WDR27: variants seen among roughly 807,000 people sequenced by gnomAD.
WDR27 encodes WD repeat domain 27.
WDR27 carries 100 observed loss-of-function variants against 114.4 expected under a neutral mutation model. The ratio of observed to expected loss-of-function variants is 0.87; its 90% CI spans 0.74 to 1.03. The LOEUF is 1.03. WDR27 is among the 50% of genes least tolerant of loss of function. The probability of loss-of-function intolerance (pLI) is 0.00; values close to 1 mark genes in which losing one functional copy is unlikely to be tolerated. For missense variants in WDR27, 1,129 were observed against 1,092.9 expected (o/e 1.03, Z -0.47); for synonymous variants, 449 against 423.1 (o/e 1.06, Z -0.75).
At chr6:169,563,648 C>T (rs1267471212) in intron 25 of WDR27, among the ~76,000 whole-genome samples, 1 of 151,934 alleles carries the variant, frequency 6.6e-6, no homozygotes, top group Non-Finnish European at 1.5e-5. Context: ...GTCTCTTCTG[C>T]TTCAACATCA....
At chr6:169,550,740 G>A (rs999290779) in intron 25 of WDR27, among the ~76,000 whole-genome samples, 1 of 151,664 alleles carries the variant, frequency 6.6e-6, no homozygotes, top group Non-Finnish European at 1.5e-5. Flanking sequence ...TTTTGAGACA[G>A]GGTCTTTCTC....
the WDR27 span, among the ~76,000 whole-genome samples, chr6:169,434,733 G>A: frequency 3.9e-5 from 6 of 152,146 alleles, no homozygotes; most frequent in Admixed American, 3.3e-4. Context: ...TGCTGTTAAA[G>A]GCATTCAGCT....
At chr6:169,646,877 C>T (rs959756343) in intron 16 of WDR27, among the ~76,000 whole-genome samples, 6 of 152,130 alleles carry the variant, frequency 3.9e-5, no homozygotes, top group African/African-American at 9.7e-5. Context: ...TAATACTACA[C>T]ATCTAATTTC....
chr6:169,631,929 G>A (rs1479024328), intron 21 of WDR27, among the ~76,000 whole-genome samples: 1 of 152,124 alleles, frequency 6.6e-6, no homozygotes, highest in Non-Finnish European at 1.5e-5. Flanking sequence ...GCTCACACCT[G>A]TAATCTCTGC....
chr6:169,516,788 A>AACACAC (rs3032851), intron 25 of WDR27, among the ~76,000 whole-genome samples: 9,032 of 119,178 alleles, frequency 0.076, 418 homozygotes, highest in Non-Finnish European at 0.083. Context: ...GGCATGCTCC[A>AACACAC]ACACACACAC....
At chr6:169,430,570 A>T in the WDR27 span, among the ~76,000 whole-genome samples, 1 of 152,216 alleles carries the variant, frequency 6.6e-6, no homozygotes, top group African/African-American at 2.4e-5. Context: ...GGGAAGTTCA[A>T]ATGGAAAGCT....
At chr6:169,557,058 G>T (rs1035870420) in intron 25 of WDR27, among the ~76,000 whole-genome samples, 1 of 152,120 alleles carries the variant, frequency 6.6e-6, no homozygotes, top group African/African-American at 2.4e-5. Context: ...TCTCGCAAGA[G>T]AAACGAGAAC....
At chr6:169,693,263 G>A (rs1784968913) in intron 1 of WDR27, among the ~76,000 whole-genome samples, 1 of 152,166 alleles carries the variant, frequency 6.6e-6, no homozygotes, top group Admixed American at 6.5e-5. Context: ...ATGAAGGAAA[G>A]ATAAAGTCTT....
chr6:169,591,652 T>C (rs1214484475), intron 23 of WDR27, among the ~76,000 whole-genome samples: 2 of 152,162 alleles, frequency 1.3e-5, no homozygotes, highest in Admixed American at 1.3e-4. Context: ...GGTTTAGATA[T>C]ACAATGTTGA....
intron 23 of WDR27, among the ~76,000 whole-genome samples, chr6:169,591,547 G>A (rs1805742403): frequency 6.6e-6 from 1 of 152,202 alleles, no homozygotes; most frequent in Non-Finnish European, 1.5e-5. Context: ...CTAAGGGACA[G>A]GTGCCCTAGT....
At chr6:169,427,582 T>C in the WDR27 span, among the ~76,000 whole-genome samples, 1 of 152,136 alleles carries the variant, frequency 6.6e-6, no homozygotes, top group African/African-American at 2.4e-5. Context: ...GGGTCTCTGG[T>C]GTCTTTCCCA....
chr6:169,545,895 A>T (rs904971716), intron 25 of WDR27, among the ~76,000 whole-genome samples: 2 of 152,176 alleles, frequency 1.3e-5, no homozygotes, highest in Non-Finnish European at 2.9e-5. Flanking sequence ...TCAAAACTCA[A>T]CAGGAAAACA....
chr6:169,474,076 T>C (rs954732283), intron 25 of WDR27, among the ~76,000 whole-genome samples: 2 of 152,218 alleles, frequency 1.3e-5, no homozygotes, highest in Non-Finnish European at 2.9e-5. Context: ...CTAAAATAAA[T>C]TAGGATGTCC....
At position 169,684,638 on chromosome 6, in the gene WDR27, C is replaced by T. The variant is rs1476812142; in HGVS notation, c.189+4179G>A. Among the ~76,000 whole-genome samples the T allele has an allele frequency of 6.6e-6, 1 of 152,198 alleles. No homozygotes were observed. Among genetic ancestry groups the T allele is most frequent in the Non-Finnish European group, 1.5e-5 (1 of 68,038 alleles). ...GCAGCCATAAGCTGTGTGACTATGTCCTGGGACTGAGAAGCAGTCCTGTGG... is the reference window on the plus strand; with the variant it reads ...GCAGCCATAAGCTGTGTGACTATGTTCTGGGACTGAGAAGCAGTCCTGTGG... On this transcript the variant is annotated intron_variant, in intron 2 of 25. Coordinates refer to ENST00000448612, the MANE Select transcript of WDR27 (RefSeq NM_182552.5). This position sits in a 1 kb window ranked among gnomAD's most constrained non-coding sequence, Gnocchi z 4.3.
intron 25 of WDR27, among the ~76,000 whole-genome samples, chr6:169,468,153 C>T (rs1393103961): frequency 1.3e-5 from 2 of 152,224 alleles, no homozygotes; most frequent in South Asian, 2.1e-4. Flanking sequence ...CCATCTGAGA[C>T]CACATCACCC....
chr6:169,580,945 A>G (rs1041265024), intron 24 of WDR27, among the ~76,000 whole-genome samples: 5 of 72,722 alleles, frequency 6.9e-5, no homozygotes, highest in Admixed American at 2.0e-4. Flanking sequence ...ATATATATAT[A>G]TATATATACA....
At chr6:169,603,571 G>A (rs1468293202) in intron 22 of WDR27, among the ~76,000 whole-genome samples, 3 of 152,174 alleles carry the variant, frequency 2.0e-5, no homozygotes, top group African/African-American at 4.8e-5. Flanking sequence ...ATATTATGCA[G>A]CTTTATATCC....
At chr6:169,525,264 TG>T (rs1794813721) in intron 25 of WDR27, among the ~76,000 whole-genome samples, 1 of 151,854 alleles carries the variant, frequency 6.6e-6, no homozygotes, top group African/African-American at 2.4e-5. Context: ...CGGCCAGGCG[TG>T]GTGGTTTACG....
In WDR27 at chr6:169,670,608, G is replaced by A. The variant is rs146695110; in HGVS notation, c.417C>T (p.Ala139=). The change falls in exon 4 of 26, where the codon GCC becomes GCT. Residue 139 remains alanine, a synonymous_variant. Coordinates refer to ENST00000448612, the MANE Select transcript of WDR27 (RefSeq NM_182552.5). The part of the protein sequence containing the change: ...LQLSLDDHVV[A]VCAGNKIFML... Reference sequence around the variant, plus strand: ...TGAATATTTTGTTTCCAGCACACACGGCAACAACATGATCATCCAGGCTCA... The same window carrying A: ...TGAATATTTTGTTTCCAGCACACACAGCAACAACATGATCATCCAGGCTCA... 1.3e-4 allele frequency: 212 copies of A among 1,613,850 alleles called. No homozygotes were observed. The African/African-American group carries it at 2.1e-3, about 16-fold the overall frequency.
Sources: gnomAD v4.1 joint callset for allele counts (sites outside exome capture counted in the v4.1 genomes callset) on GRCh38, gnomAD v4.1.1 for gene constraint, Gnocchi (gnomAD v3.1) non-coding constraint, MANE v1.5 for transcripts, NCBI Gene and HGNC (gene_info 2026-07-23, HGNC 2026-07-21) for gene names.